Variants in PTPN12 observed in about 807,000 individuals in gnomAD.
PTPN12 encodes the protein tyrosine-protein phosphatase non-receptor type 12.
In PTPN12, 29 loss-of-function variants were observed where a neutral mutation model predicts 97.6. The observed-to-expected ratio is 0.30, with a 90% confidence interval of 0.22 to 0.41. The LOEUF (loss-of-function observed/expected upper bound fraction) is 0.41, where lower values mean the gene tolerates loss of function less well. Ranked by LOEUF, PTPN12 falls within the 10% of genes least tolerant of loss-of-function variation. PTPN12 has a pLI of 1.00. For synonymous variants in PTPN12, 327 were observed against 300.4 expected (o/e 1.09, Z -0.91); for missense variants, 819 against 926.0 (o/e 0.88, Z 1.50).
chr7:77,591,853 C>G lies in PTPN12; in HGVS notation c.421-332C>G, dbSNP rs531417759. On this transcript the variant is annotated intron_variant, in intron 5 of 17. Coordinates refer to ENST00000248594, the MANE Select transcript of PTPN12 (RefSeq NM_002835.4). The stretch of plus-strand genomic sequence containing the variant: ...TACAACTTACCTAGCAACCTTTATA[C>G]CAAATACCTCCTTGTACCAGACACT... 9.7e-4 allele frequency among the ~76,000 whole-genome samples: 147 copies of G among 152,310 alleles called. 1 individual carries two copies. The highest frequency in any genetic ancestry group is 6.2e-3 in the South Asian group (30 of 4,824).
At chr7:77,626,011 A>G (rs559703846) in intron 12 of PTPN12, among the ~76,000 whole-genome samples, 17 of 152,322 alleles carry the variant, frequency 1.1e-4, no homozygotes, top group African/African-American at 4.1e-4. Context: ...GTGATGGACT[A>G]GGGAACCAGT....
At chr7:77,572,554 A>G (rs1787181908) in intron 2 of PTPN12, among the ~76,000 whole-genome samples, 1 of 151,874 alleles carries the variant, frequency 6.6e-6, no homozygotes, top group South Asian at 2.1e-4. Flanking sequence ...GTTGTTCTAC[A>G]TTATTATCAG....
At chr7:77,633,581 C>T (rs1789480698) in intron 14 of PTPN12, among the ~76,000 whole-genome samples, 1 of 151,558 alleles carries the variant, frequency 6.6e-6, no homozygotes, top group South Asian at 2.1e-4. Flanking sequence ...TGCACTCCAG[C>T]CTGGGCAACA....
At chr7:77,592,985 T>G (rs919868300) in intron 6 of PTPN12, among the ~76,000 whole-genome samples, 1 of 152,114 alleles carries the variant, frequency 6.6e-6, no homozygotes, top group African/African-American at 2.4e-5. Context: ...ATCAATTAAT[T>G]TAGGCCAGGC....
In PTPN12 at chr7:77,537,501, C is replaced by T; in HGVS notation, c.-46C>T. 1 of 538,156 alleles carries T rather than the reference C, an allele frequency of 1.9e-6. No homozygotes were observed. The highest frequency in any genetic ancestry group is 2.7e-5 in the South Asian group (1 of 37,016). The allele number at this position is 538,156 out of a possible 1,614,324, so 33.3% of individuals were successfully genotyped here. ...CGGAGCGGGCTCTGTGCCGGGCGGGCGGGCGGCGGGGGGGCCAGCGACCGC... is the reference window on the plus strand; with the variant it reads ...CGGAGCGGGCTCTGTGCCGGGCGGGTGGGCGGCGGGGGGGCCAGCGACCGC... On this transcript the variant is annotated 5_prime_UTR_variant, in exon 1 of 18. Transcript: ENST00000248594.
chr7:77,537,784 G>A, intron 1 of PTPN12, 139 bp downstream of exon 1: 3 of 992,984 alleles, frequency 3.0e-6, no homozygotes, highest in East Asian at 3.3e-5. Context: ...GGTGAGCCGG[G>A]TGGTCTCGGA....
chr7:77,637,866 A>AAAC (rs1167581555), intron 16 of PTPN12, among the ~76,000 whole-genome samples: 1 of 151,008 alleles, frequency 6.6e-6, no homozygotes, highest in Non-Finnish European at 1.5e-5. Context: ...TCAAAAAAAA[A>AAAC]AAAAAAAAAA....
At chr7:77,557,823 C>A (rs1456986663) in intron 1 of PTPN12, among the ~76,000 whole-genome samples, 1 of 152,074 alleles carries the variant, frequency 6.6e-6, no homozygotes, top group Non-Finnish European at 1.5e-5. Context: ...TCAACCTCTC[C>A]AATAATCAGA....
intron 1 of PTPN12, among the ~76,000 whole-genome samples, chr7:77,570,643 A>G (rs1787093074): frequency 6.6e-6 from 1 of 152,210 alleles, no homozygotes; most frequent in Admixed American, 6.5e-5. Flanking sequence ...CTTGTAAGTA[A>G]TTATTAGCTT....
At chr7:77,595,391 GCT>G (rs1554319103) in intron 6 of PTPN12, among the ~76,000 whole-genome samples, 1 of 152,170 alleles carries the variant, frequency 6.6e-6, no homozygotes, top group Non-Finnish European at 1.5e-5. Context: ...CTTTTCTAGA[GCT>G]CTCTCTCGAT....
intron 1 of PTPN12, among the ~76,000 whole-genome samples, 188 bp downstream of exon 1, chr7:77,537,833 C>T (rs1290735660): frequency 1.3e-5 from 2 of 152,016 alleles, no homozygotes; most frequent in Non-Finnish European, 2.9e-5. Context: ...CCGTGGCCTC[C>T]TTTCTTCTCC....
intron 12 of PTPN12, among the ~76,000 whole-genome samples, chr7:77,623,050 G>T (rs1789002165): frequency 6.7e-6 from 1 of 150,352 alleles, no homozygotes; most frequent in Admixed American, 6.6e-5. Flanking sequence ...TAGAATTAAA[G>T]GGCATAAATT....
Position 77,637,066 on chromosome 7 carries a change from T to C in PTPN12, c.2173+18T>C. 6.3e-7 allele frequency: 1 copy of C among 1,590,290 alleles called. No homozygotes were observed. Among genetic ancestry groups the C allele is most frequent in the Non-Finnish European group, 8.6e-7 (1 of 1,160,438 alleles). ...GAAATGTGGTAAGTTGTTAGATTTT[T>C]TTTTTCCTTTTTACTGTAGATTTTA... is the stretch of plus-strand genomic sequence containing the variant. On this transcript the variant is annotated intron_variant, in intron 16 of 17. Transcript: ENST00000248594.
At chr7:77,634,479 G>A (rs1032670728) in intron 14 of PTPN12, among the ~76,000 whole-genome samples, 4 of 151,500 alleles carry the variant, frequency 2.6e-5, no homozygotes, top group Admixed American at 2.6e-4. Flanking sequence ...TCATTCTGTC[G>A]CCCCGGCTGG....
rs1789424861 is a variant in PTPN12 at position 77,632,287 on chromosome 7, GCTCT to G, written c.1997-58_1997-55del. The G allele has an allele frequency of 5.7e-6, 7 of 1,230,332 alleles. No individual in the cohort carries two copies. The South Asian group carries it at 8.7e-5, about 15-fold the overall frequency. The allele number at this position is 1,230,332 out of a possible 1,614,324, so 76.2% of individuals were successfully genotyped here. A position where few individuals can be genotyped will look rare whatever the true frequency, so the allele number is the denominator to read the frequency against. On this transcript the variant is annotated intron_variant, in intron 13 of 17. Coordinates refer to ENST00000248594, the MANE Select transcript of PTPN12 (RefSeq NM_002835.4). ...CAGGAATTTTTAGAATGTCAAGAAA[GCTCT>G]CTGATTTTGTTTAGATGACATGTTA...
intron 12 of PTPN12, among the ~76,000 whole-genome samples, chr7:77,619,807 CTT>C (rs1485207464): frequency 6.6e-6 from 1 of 152,086 alleles, no homozygotes; most frequent in Non-Finnish European, 1.5e-5. Flanking sequence ...TCTAGAATAC[CTT>C]TGCATACTTC....
intron 6 of PTPN12, 59 bp from the exon 7 acceptor site, chr7:77,597,783 T>C: frequency 6.4e-7 from 1 of 1,564,212 alleles, no homozygotes; most frequent in Non-Finnish European, 8.6e-7. Flanking sequence ...TTTATTTGTT[T>C]TGATGTGTCT....
chr7:77,584,472 C>T (rs1222484841), intron 4 of PTPN12, among the ~76,000 whole-genome samples: 1 of 152,150 alleles, frequency 6.6e-6, no homozygotes, highest in African/African-American at 2.4e-5. Context: ...ATTTGTGTTG[C>T]ACAGATGTGT....
rs1788496010 is a variant in PTPN12 at position 77,609,651 on chromosome 7, C to T, written c.763-1114C>T. On this transcript the variant is annotated intron_variant, in intron 9 of 17. Transcript: ENST00000248594. ...ATCCCAGCACTTCGGGAAGCCGAGG[C>T]GGGCGGATCACGAGGTCAGCAGATT... Among the ~76,000 whole-genome samples, 8 of 150,728 alleles carry T rather than the reference C, an allele frequency of 5.3e-5. No homozygotes were observed. The South Asian group carries it at 1.7e-3, about 33-fold the overall frequency.
Sources: allele counts gnomAD v4.1 joint callset (sites outside exome capture counted in the v4.1 genomes callset), GRCh38; gene constraint gnomAD v4.1.1; transcripts MANE v1.5; gene names NCBI Gene and HGNC (gene_info 2026-07-23, HGNC 2026-07-21).